Variants in ZNF655 observed in about 807,000 individuals in gnomAD.
ZNF655 encodes Vav-interacting Kruppel-like protein 1.
ZNF655 carries 3 observed loss-of-function variants against 6.6 expected under a neutral mutation model. The observed-to-expected ratio is 0.46, with a 90% CI of 0.21 to 1.18. ZNF655 has a LOEUF of 1.18. Ranked by LOEUF, ZNF655 falls within the 50% of genes most tolerant of loss-of-function variation. The pLI is 0.24. For missense variants in ZNF655, 526 were observed against 572.3 expected, an observed-to-expected ratio of 0.92 and a Z score of 0.83; for synonymous variants, 178 against 195.0, an observed-to-expected ratio of 0.91 and a Z score of 0.73.
rs536349810 is a variant in ZNF655 at position 99,560,032 on chromosome 7, T to C, written c.-27-501T>C. On this transcript the variant is annotated intron_variant, in intron 1 of 2. Coordinates refer to ENST00000252713, the MANE Select transcript of ZNF655 (RefSeq NM_138494.3). The stretch of plus-strand genomic sequence containing the variant: ...TTCCAAATTAGAGACTCTTCTATGA[T>C]TTGGTTCTTAAGTATTTAAAGCTGA... Among the ~76,000 whole-genome samples the C allele has an allele frequency of 5.9e-5, 9 of 152,110 alleles. No individual in the cohort carries two copies. The South Asian group carries it at 1.9e-3, about 32-fold the overall frequency.
chr7:99,559,918 G>A (rs1057359042), intron 1 of ZNF655, among the ~76,000 whole-genome samples: 5 of 150,852 alleles, frequency 3.3e-5, no homozygotes, highest in East Asian at 1.9e-4. Context: ...TTGAGCCACC[G>A]CACGTGGCCA....
intron 2 of ZNF655, chr7:99,563,819 G>C (rs201412564): frequency 1.6e-4 from 245 of 1,576,808 alleles, no homozygotes; most frequent in Middle Eastern, 4.6e-4. Context: ...CCACTGGGAC[G>C]GTTTTTAGTG....
At chr7:99,570,077 A>T (rs1177226084) in intron 2 of ZNF655, 3 of 152,174 alleles carry the variant, frequency 2.0e-5, no homozygotes, top group Non-Finnish European at 2.9e-5. Flanking sequence ...CACACATCTA[A>T]AATCAAACCC....
At chr7:99,565,053 T>G (rs1803516835) in intron 2 of ZNF655, among the ~76,000 whole-genome samples, 1 of 152,246 alleles carries the variant, frequency 6.6e-6, no homozygotes, top group South Asian at 2.1e-4. Context: ...TTGCGGGAAT[T>G]ATTTATGTCC....
intron 2 of ZNF655, chr7:99,570,310 T>C (rs780327218): frequency 3.7e-4 from 57 of 152,244 alleles, no homozygotes; most frequent in Admixed American, 4.6e-4. Context: ...ACGATTTCAT[T>C]TGACAGGGTG....
chr7:99,562,043 C>T lies in ZNF655; in HGVS notation c.136+1348C>T, dbSNP rs1344695418. On this transcript the variant is annotated intron_variant, in intron 2 of 2. Transcript: ENST00000252713. The stretch of plus-strand genomic sequence containing the variant: ...TGATGGAGTGTGGCCTCTCTCTCAT[C>T]CCATCTGTAGACCTTGCCTGGAATT... 5 of 1,348,542 alleles carry T rather than the reference C, an allele frequency of 3.7e-6. No homozygotes were observed. In the African/African-American group the frequency reaches 6.0e-5, roughly 16 times the overall value. 83.5% of individuals were successfully genotyped at this position (1,348,542 alleles called of 1,614,324 possible). A position where few individuals can be genotyped will look rare whatever the true frequency, so the allele number is the denominator to read the frequency against.
rs979641353 is a variant in ZNF655, at chr7:99,574,149, T to A, written c.*565T>A. The A allele has an allele frequency of 6.6e-6, 1 of 152,476 alleles. No individual in the cohort carries two copies. Among genetic ancestry groups the A allele is most frequent in the African/African-American group, 2.4e-5 (1 of 41,454 alleles). The allele number at this position is 152,476 out of a possible 1,614,324, so 9.4% of individuals were successfully genotyped here. ...TTAACTAGTCTTTGTCATATCAGAA[T>A]ATCCATAGTAGACAAGAATTTGATG... On this transcript the variant is annotated 3_prime_UTR_variant, in exon 3 of 3. Coordinates refer to ENST00000252713, the MANE Select transcript of ZNF655 (RefSeq NM_138494.3).
Position 99,572,350 on chromosome 7 carries a change from C to G in ZNF655, c.242C>G (p.Thr81Ser), listed in dbSNP as rs1363309441. The G allele has an allele frequency of 1.2e-5, 20 of 1,613,648 alleles. No homozygotes were observed. Among genetic ancestry groups the G allele is most frequent in the African/African-American group, 2.7e-5 (2 of 74,880 alleles). ...VRVGRLKHDI[T>S]QVPETREVYK... The stretch of plus-strand genomic sequence containing the variant: ...GTAGGAAGACTCAAACACGATATTA[C>G]CCAAGTTCCTGAGACTAGAGAAGTG... The change falls in exon 3 of 3, where the codon ACC becomes AGC. Residue 81 changes from threonine (T) to serine (S), a missense_variant. Thr to Ser is a moderately conservative substitution (Grantham distance 58, BLOSUM62 1). Transcript: ENST00000252713.
At chr7:99,564,245 A>G in intron 2 of ZNF655, 2 of 1,349,446 alleles carry the variant, frequency 1.5e-6, no homozygotes, top group African/African-American at 3.0e-5. Context: ...ATCTACTTGT[A>G]TTGTGAAAAA....
rs1804242571 is a variant in ZNF655, at chr7:99,573,614, A to C, written c.*30A>C. The stretch of plus-strand genomic sequence containing the variant: ...AATGAAGATGGGAAGATATTTATCA[A>C]ATTCAGGCTTCATTCAGCATCTGAG... On this transcript the variant is annotated 3_prime_UTR_variant, in exon 3 of 3. Transcript: ENST00000252713. The C allele has an allele frequency of 6.3e-7, 1 of 1,576,458 alleles. No homozygotes were observed. Among genetic ancestry groups the C allele is most frequent in the South Asian group, 1.2e-5 (1 of 86,832 alleles).
At position 99,574,200 on chromosome 7, in the gene ZNF655, C is replaced by T. The variant is rs1413904884; in HGVS notation, c.*616C>T. 2 of 152,132 alleles carry T rather than the reference C, an allele frequency of 1.3e-5. No individual in the cohort carries two copies. The highest frequency in any genetic ancestry group is 4.8e-5 in the African/African-American group (2 of 41,410). The allele number at this position is 152,132 out of a possible 1,614,324, so 9.4% of individuals were successfully genotyped here. On this transcript the variant is annotated 3_prime_UTR_variant, in exon 3 of 3. Coordinates refer to ENST00000252713, the MANE Select transcript of ZNF655 (RefSeq NM_138494.3). ...TAACGCAAATGGAAAAACTCGACAC[C>T]ACATTTCAGGCTTTACCCAACATCG...
intron 2 of ZNF655, among the ~76,000 whole-genome samples, chr7:99,566,752 T>C (rs1803665395): frequency 6.6e-6 from 1 of 152,042 alleles, no homozygotes; most frequent in Admixed American, 6.6e-5. Flanking sequence ...AAGAAGGTGT[T>C]TCGCTATGTT....
chr7:99,564,786 A>T, intron 2 of ZNF655: 2 of 864,184 alleles, frequency 2.3e-6, no homozygotes, highest in Non-Finnish European at 2.8e-6. Context: ...ACTGAACTTT[A>T]TCCCATTTCC....
rs1319718102 is a variant in ZNF655 at position 99,574,345 on chromosome 7, G to A, written c.*761G>A. On this transcript the variant is annotated 3_prime_UTR_variant, in exon 3 of 3. Coordinates refer to ENST00000252713, the MANE Select transcript of ZNF655 (RefSeq NM_138494.3). ...GGTAAATGCAGTGACATTTTCTCAT[G>A]GAGTTCCTTTATTTAATATGTATTC... The A allele has an allele frequency of 6.6e-6, 1 of 152,072 alleles. No individual in the cohort carries two copies. The highest frequency in any genetic ancestry group is 2.4e-5 in the African/African-American group (1 of 41,406). 9.4% of individuals were successfully genotyped at this position (152,072 alleles called of 1,614,324 possible). A position where few individuals can be genotyped will look rare whatever the true frequency, so the allele number is the denominator to read the frequency against.
At chr7:99,559,192 GC>G (rs902487039) in intron 1 of ZNF655, among the ~76,000 whole-genome samples, 6 of 152,178 alleles carry the variant, frequency 3.9e-5, no homozygotes, top group Non-Finnish European at 5.9e-5. Context: ...CCTGAAGGAC[GC>G]CGCTCAAACC....
chr7:99,563,102 C>G (rs967588301), intron 2 of ZNF655: 2 of 421,984 alleles, frequency 4.7e-6, no homozygotes, highest in African/African-American at 2.1e-5. Flanking sequence ...GTAACCACAC[C>G]CAGGGCAGCA....
At position 99,572,291 on chromosome 7, in the gene ZNF655, A is replaced by T; in HGVS notation, c.183A>T (p.Lys61Asn). 2 of 1,611,552 alleles carry T rather than the reference A, an allele frequency of 1.2e-6. No individual in the cohort carries two copies. Among genetic ancestry groups the T allele is most frequent in the Non-Finnish European group, 1.7e-6 (2 of 1,179,410 alleles). ...EENKLLIPKQ[K>N]ISEEVHSYKV... is the part of the protein sequence containing the mutation. The stretch of plus-strand genomic sequence containing the variant: ...ACAAGCTGTTGATTCCTAAGCAGAA[A>T]ATTTCGGAAGAAGTGCATTCATACA... The change falls in exon 3 of 3, where the codon AAA becomes AAT. Residue 61 changes from lysine to asparagine, a missense_variant. Lys to Asn is a moderately conservative substitution (Grantham distance 94). Coordinates refer to ENST00000252713, the MANE Select transcript of ZNF655 (RefSeq NM_138494.3).
rs531904406 is a variant in ZNF655, at chr7:99,572,297, G to A, written c.189G>A (p.Ser63=). The change falls in exon 3 of 3, where the codon TCG becomes TCA. Residue 63 remains serine, a synonymous_variant. Transcript: ENST00000252713. ...TGTTGATTCCTAAGCAGAAAATTTC[G>A]GAAGAAGTGCATTCATACAAAGTGA... ...NKLLIPKQKI[S]EEVHSYKVRV... 33 of 1,611,778 alleles carry A rather than the reference G, an allele frequency of 2.0e-5. No homozygotes were observed. In the East Asian group the frequency reaches 2.5e-4, roughly 12 times the overall value.
intron 2 of ZNF655, chr7:99,563,983 C>T: frequency 6.2e-7 from 1 of 1,613,968 alleles, no homozygotes; most frequent in Non-Finnish European, 8.5e-7. Context: ...GCAGGAATCT[C>T]CAAGAGATGG....
Sources: gnomAD v4.1 joint callset for allele counts (sites outside exome capture counted in the v4.1 genomes callset) on GRCh38, gnomAD v4.1.1 for gene constraint, MANE v1.5 for transcripts, NCBI Gene and HGNC (gene_info 2026-07-23, HGNC 2026-07-21) for gene names.